PDS5B: variants seen among roughly 807,000 people sequenced by gnomAD.
PDS5B encodes the protein sister chromatid cohesion protein PDS5 homolog B.
A neutral mutation model predicts 184.1 loss-of-function variants in PDS5B; 51 were observed. The ratio of observed to expected loss-of-function variants is 0.28; its 90% CI spans 0.22 to 0.35. The LOEUF (loss-of-function observed/expected upper bound fraction) is 0.35. Ranked by LOEUF, PDS5B falls within the 10% of genes least tolerant of loss-of-function variation. PDS5B has a pLI of 1.00. For synonymous variants in PDS5B, 566 were observed against 569.2 expected (o/e 0.99, Z 0.08); for missense variants, 1,180 against 1,723.3 (o/e 0.68, Z 5.58).
intron 1 of PDS5B, among the ~76,000 whole-genome samples, chr13:32,640,569 G>A (rs1294980378): frequency 6.6e-6 from 1 of 151,832 alleles, no homozygotes; most frequent in Non-Finnish European, 1.5e-5. Context: ...ATTTTCTTAT[G>A]CTTACTGTTC....
chr13:32,729,313 A>G (rs976959859), intron 19 of PDS5B, among the ~76,000 whole-genome samples: 3 of 152,174 alleles, frequency 2.0e-5, no homozygotes, highest in Non-Finnish European at 2.9e-5. Context: ...TCCATGGTGT[A>G]TATGTGCCAC....
At chr13:32,745,217 T>TTAGC (rs1953699997) in intron 23 of PDS5B, among the ~76,000 whole-genome samples, 1 of 152,260 alleles carries the variant, frequency 6.6e-6, no homozygotes, top group Non-Finnish European at 1.5e-5. Flanking sequence ...TCTTCTGTGC[T>TTAGC]TAGCACAGTA....
intron 1 of PDS5B, among the ~76,000 whole-genome samples, chr13:32,642,981 GT>G (rs954105830): frequency 7.5e-4 from 114 of 152,210 alleles, no homozygotes; most frequent in African/African-American, 2.6e-3. Context: ...AGTTTCTGCT[GT>G]TGTGTTCTGC....
intron 19 of PDS5B, among the ~76,000 whole-genome samples, chr13:32,710,997 CTT>C (rs906113848): frequency 2.0e-5 from 3 of 146,766 alleles, no homozygotes; most frequent in Admixed American, 6.8e-5. Context: ...TTCTTTTTTT[CTT>C]TTTTTTTTTG....
At chr13:32,734,181 C>T (rs1953234207) in intron 20 of PDS5B, among the ~76,000 whole-genome samples, 2 of 151,826 alleles carry the variant, frequency 1.3e-5, no homozygotes, top group Admixed American at 6.6e-5. Flanking sequence ...GCGTATGCCC[C>T]ACGCCTGGCT....
chr13:32,718,529 C>T (rs570441902), intron 19 of PDS5B, among the ~76,000 whole-genome samples: 8 of 152,178 alleles, frequency 5.3e-5, no homozygotes, highest in African/African-American at 1.9e-4. Flanking sequence ...TCTCTCAAAC[C>T]AATAGGCAGC....
chr13:32,586,547 C>T lies in PDS5B; in HGVS notation c.-66C>T, dbSNP rs890395499. 6.6e-6 allele frequency: 1 copy of T among 150,994 alleles called. No individual in the cohort carries two copies. 9.4% of individuals were successfully genotyped at this position (150,994 alleles called of 1,614,324 possible). ...ATTGGATGCGGCGGCGGCGGCGGAT[C>T]CCGGAGAGCCCCGGAGTGAGCGGAG... On this transcript the variant is annotated 5_prime_UTR_variant, in exon 1 of 35. Transcript: ENST00000315596.
intron 6 of PDS5B, among the ~76,000 whole-genome samples, chr13:32,664,391 G>A (rs1202899486): frequency 6.6e-6 from 1 of 152,202 alleles, no homozygotes; most frequent in East Asian, 1.9e-4. Context: ...TAACAAAGAT[G>A]TGAGGTACTT....
intron 1 of PDS5B, among the ~76,000 whole-genome samples, chr13:32,586,999 G>T (rs1424928633): frequency 1.4e-5 from 2 of 137,966 alleles, no homozygotes; most frequent in African/African-American, 2.7e-5. Flanking sequence ...TCCCGCCGCC[G>T]CCGTCGCCGC....
chr13:32,588,283 C>T (rs1404815993), intron 1 of PDS5B, among the ~76,000 whole-genome samples: 1 of 152,234 alleles, frequency 6.6e-6, no homozygotes, highest in Non-Finnish European at 1.5e-5. Flanking sequence ...GTGAAAATTA[C>T]ATGGGAACTT....
At chr13:32,648,240 C>T (rs1263366798) in intron 1 of PDS5B, among the ~76,000 whole-genome samples, 1 of 152,140 alleles carries the variant, frequency 6.6e-6, no homozygotes, top group Non-Finnish European at 1.5e-5. Context: ...ACATTAATGT[C>T]AGGAGAGTTT....
intron 23 of PDS5B, 40 bp from the exon 24 acceptor site, chr13:32,745,937 T>C (rs753636903): frequency 4.6e-6 from 7 of 1,513,282 alleles, no homozygotes; most frequent in South Asian, 2.3e-5. Flanking sequence ...TGTACAAATA[T>C]TTTAAATGCT....
At chr13:32,734,899 G>A (rs573853384) in intron 20 of PDS5B, among the ~76,000 whole-genome samples, 20 of 152,180 alleles carry the variant, frequency 1.3e-4, no homozygotes, top group African/African-American at 3.4e-4. Context: ...AGTCTGTGTC[G>A]AAATGTTTCT....
chr13:32,768,525 A>C (rs1028712523), intron 31 of PDS5B, among the ~76,000 whole-genome samples: 1 of 151,930 alleles, frequency 6.6e-6, no homozygotes, highest in Non-Finnish European at 1.5e-5. Context: ...GGACAGGTGC[A>C]ATGACACCTG....
chr13:32,772,604 A>C (rs977374389), intron 33 of PDS5B, among the ~76,000 whole-genome samples: 4 of 152,270 alleles, frequency 2.6e-5, no homozygotes, highest in African/African-American at 9.6e-5. Flanking sequence ...GCAGAAAGAG[A>C]TGAGAGTGGA....
In PDS5B at chr13:32,775,208, T is replaced by G; in HGVS notation, c.*156T>G. The G allele has an allele frequency of 3.2e-6, 2 of 633,554 alleles. No homozygotes were observed. Among genetic ancestry groups the G allele is most frequent in the Non-Finnish European group, 5.5e-6 (2 of 362,846 alleles). 39.2% of individuals were successfully genotyped at this position (633,554 alleles called of 1,614,324 possible). A position where few individuals can be genotyped will look rare whatever the true frequency, so the allele number is the denominator to read the frequency against. The stretch of plus-strand genomic sequence containing the variant: ...TTACTTTGGTGACCCCATACATTTG[T>G]GGTCACATGCTTTAGCCATACACAT... On this transcript the variant is annotated 3_prime_UTR_variant, in exon 35 of 35. Coordinates refer to ENST00000315596, the MANE Select transcript of PDS5B (RefSeq NM_015032.4).
chr13:32,764,080 G>A (rs1032363210), intron 30 of PDS5B, among the ~76,000 whole-genome samples: 9 of 151,878 alleles, frequency 5.9e-5, no homozygotes, highest in Non-Finnish European at 1.0e-4. Context: ...CAGTCAGTAC[G>A]TAATAAATGT....
At chr13:32,745,846 C>G (rs1953723748) in intron 23 of PDS5B, 131 bp from the exon 24 acceptor site, 1 of 699,958 alleles carries the variant, frequency 1.4e-6, no homozygotes, top group Admixed American at 2.7e-5. Context: ...TTTTGGGGGA[C>G]ACAAACATTC....
At chr13:32,774,960 C>T in intron 34 of PDS5B, 57 bp from the exon 35 acceptor site, 1 of 1,383,412 alleles carries the variant, frequency 7.2e-7, no homozygotes, top group East Asian at 2.3e-5. Flanking sequence ...ATGATTACTG[C>T]ATATCTTATG....
Sources: gnomAD v4.1 joint callset for allele counts (sites outside exome capture counted in the v4.1 genomes callset) on GRCh38, gnomAD v4.1.1 for gene constraint, MANE v1.5 for transcripts, NCBI Gene and HGNC (gene_info 2026-07-23, HGNC 2026-07-21) for gene names.